The following RGL2 variants were observed in gnomAD, a reference collection of about 807,000 sequenced individuals.
RGL2 encodes ral guanine nucleotide dissociation stimulator-like 2.
In RGL2, 40 loss-of-function variants were observed where a neutral mutation model predicts 84.6. The ratio of observed to expected loss-of-function variants is 0.47; its 90% CI spans 0.37 to 0.62. RGL2 has a LOEUF of 0.62. RGL2 is among the 20% of genes least tolerant of loss of function. The pLI is 0.00. For synonymous variants in RGL2, 369 were observed against 417.3 expected (o/e 0.88, Z 1.41); for missense variants, 865 against 1,019.7 (o/e 0.85, Z 2.07).
Position 33,295,486 on chromosome 6 carries a change from G to A in RGL2, c.1020+22C>T, listed in dbSNP as rs754178370. The stretch of plus-strand genomic sequence containing the variant: ...CCTCTCCATTCCATGGCCACAAACC[G>A]TAGGGCAATCTTCTCTCTCACCTCT... On this transcript the variant is annotated intron_variant, in intron 7 of 17. Transcript: ENST00000497454. The surrounding 1 kb of genome is among the most constrained non-coding windows in gnomAD (Gnocchi z 7.2). The A allele has an allele frequency of 3.3e-5, 54 of 1,613,268 alleles. 1 individual carries two copies. The South Asian group carries it at 4.3e-4, about 13-fold the overall frequency.
chr6:33,291,832 A>G lies in RGL2; in HGVS notation c.*270T>C. 1 of 584,634 alleles carries G rather than the reference A, an allele frequency of 1.7e-6. No individual in the cohort carries two copies. Among genetic ancestry groups the G allele is most frequent in the African/African-American group, 1.9e-5 (1 of 53,574 alleles). 36.2% of individuals were successfully genotyped at this position (584,634 alleles called of 1,614,324 possible). A position where few individuals can be genotyped will look rare whatever the true frequency, so the allele number is the denominator to read the frequency against. On this transcript the variant is annotated 3_prime_UTR_variant, in exon 18 of 18. Transcript: ENST00000497454. ...ATGTTAGGATATGGCCAAGAATCAG[A>G]AACTGATGCGTTTTTCCAGCACTAC...
chr6:33,291,898 G>A lies in RGL2; in HGVS notation c.*204C>T. 1 of 617,126 alleles carries A rather than the reference G, an allele frequency of 1.6e-6. No individual in the cohort carries two copies. The allele number at this position is 617,126 out of a possible 1,614,324, so 38.2% of individuals were successfully genotyped here. ...ATGGAAGGTGGGAAGCTATACACAG[G>A]TATCCAACTTGGTTATAAGACACCA... On this transcript the variant is annotated 3_prime_UTR_variant, in exon 18 of 18. Transcript: ENST00000497454.
chr6:33,291,829 C>A lies in RGL2; in HGVS notation c.*273G>T. On this transcript the variant is annotated 3_prime_UTR_variant, in exon 18 of 18. Coordinates refer to ENST00000497454, the MANE Select transcript of RGL2 (RefSeq NM_004761.5). Reference sequence around the variant, plus strand: ...TGCATGTTAGGATATGGCCAAGAATCAGAAACTGATGCGTTTTTCCAGCAC... The same window carrying A: ...TGCATGTTAGGATATGGCCAAGAATAAGAAACTGATGCGTTTTTCCAGCAC... 1.7e-6 allele frequency: 1 copy of A among 583,294 alleles called. No homozygotes were observed. The allele number at this position is 583,294 out of a possible 1,614,324, so 36.1% of individuals were successfully genotyped here.
At position 33,293,694 on chromosome 6, in the gene RGL2, C is replaced by T. The variant is rs769473006; in HGVS notation, c.1514G>A (p.Arg505His). 1.3e-5 allele frequency: 21 copies of T among 1,613,884 alleles called. No homozygotes were observed. Among genetic ancestry groups the T allele is most frequent in the Admixed American group, 1.7e-5 (1 of 59,992 alleles). Residue 505 changes from arginine to histidine, a missense_variant, in exon 14 of 18, where the codon CGT becomes CAT. Transcript: ENST00000497454. This position sits in a 1 kb window ranked among gnomAD's most constrained non-coding sequence, Gnocchi z 7.0. ...LRPLTEAQSH[R>H]VSCEVEPPGS... is the part of the protein sequence containing the mutation. ...AGGTGGCTCCACCTCACAGGATACA[C>T]GATGGCTGGGTTAGGGGGGCAATAG...
At position 33,295,485 on chromosome 6, in the gene RGL2, C is replaced by G. The variant is rs1466157626; in HGVS notation, c.1020+23G>C. On this transcript the variant is annotated intron_variant, in intron 7 of 17. Coordinates refer to ENST00000497454, the MANE Select transcript of RGL2 (RefSeq NM_004761.5). The surrounding 1 kb of genome is among the most constrained non-coding windows in gnomAD (Gnocchi z 7.2). ...GCCTCTCCATTCCATGGCCACAAACCGTAGGGCAATCTTCTCTCTCACCTC... is the reference window on the plus strand; with the variant it reads ...GCCTCTCCATTCCATGGCCACAAACGGTAGGGCAATCTTCTCTCTCACCTC... 1.9e-6 allele frequency: 3 copies of G among 1,613,270 alleles called. No homozygotes were observed. The highest frequency in any genetic ancestry group is 2.5e-6 in the Non-Finnish European group (3 of 1,179,562).
chr6:33,298,632 G>A lies in RGL2; in HGVS notation c.-22C>T. 6.9e-7 allele frequency: 1 copy of A among 1,439,856 alleles called. No homozygotes were observed. The highest frequency in any genetic ancestry group is 9.1e-7 in the Non-Finnish European group (1 of 1,096,560). The allele number at this position is 1,439,856 out of a possible 1,614,324, so 89.2% of individuals were successfully genotyped here. A position where few individuals can be genotyped will look rare whatever the true frequency, so the allele number is the denominator to read the frequency against. On this transcript the variant is annotated 5_prime_UTR_variant, in exon 2 of 18. Transcript: ENST00000497454. This position sits in a 1 kb window ranked among gnomAD's most constrained non-coding sequence, Gnocchi z 4.8. ...GCATGGCCGAGTGAAGGAATCAGCG[G>A]GGTCGGGCCATGGGGGCGCCTGGGG...
chr6:33,291,664 G>A lies in RGL2; in HGVS notation c.*438C>T, dbSNP rs1562650333. 2 of 263,674 alleles carry A rather than the reference G, an allele frequency of 7.6e-6. No individual in the cohort carries two copies. The highest frequency in any genetic ancestry group is 7.3e-6 in the Non-Finnish European group (1 of 136,328). 16.3% of individuals were successfully genotyped at this position (263,674 alleles called of 1,614,324 possible). A position where few individuals can be genotyped will look rare whatever the true frequency, so the allele number is the denominator to read the frequency against. ...GCAAGGACAGGGGAGTAGAATTCAGGTAGTGTTTTGGTTTATTATCTTAGT... is the reference window on the plus strand; with the variant it reads ...GCAAGGACAGGGGAGTAGAATTCAGATAGTGTTTTGGTTTATTATCTTAGT... On this transcript the variant is annotated 3_prime_UTR_variant, in exon 18 of 18. Transcript: ENST00000497454.
rs907081022 is a variant in RGL2, at chr6:33,297,268, T to C, written c.157-153A>G. ...TGCGAGGAAGGGTTGGGGGAGCTGG[T>C]GACCCCAGGTCTCCCCCACTGGGGC... On this transcript the variant is annotated intron_variant, in intron 2 of 17. Transcript: ENST00000497454. This position sits in a 1 kb window ranked among gnomAD's most constrained non-coding sequence, Gnocchi z 4.0. 8.4e-6 allele frequency: 5 copies of C among 597,672 alleles called. No individual in the cohort carries two copies. The highest frequency in any genetic ancestry group is 1.4e-5 in the Non-Finnish European group (5 of 354,794). The allele number at this position is 597,672 out of a possible 1,614,324, so 37.0% of individuals were successfully genotyped here.
rs1339001215 is a variant in RGL2, at chr6:33,293,508, C to A, written c.1621G>T (p.Gly541Trp). ...CAGGACACAAGCGGGGTAGGGACCC[C>A]AACAGAGCCCAAAACCCTGCAGTGG... ...SQWTEVLGSV[G>W]VPTPLVSCDR... Residue 541 changes from glycine to tryptophan, a missense_variant, in exon 15 of 18, where the codon GGG (glycine) becomes TGG (tryptophan). Gly to Trp is a radical substitution (Grantham distance 184, BLOSUM62 -2). Around this residue, in one of 5 missense-constraint regions of RGL2, gnomAD observed 302 missense variants for 327.9 expected, o/e 0.92. Transcript: ENST00000497454. The surrounding 1 kb of genome is among the most constrained non-coding windows in gnomAD (Gnocchi z 7.0). 6.2e-7 allele frequency: 1 copy of A among 1,613,832 alleles called. No homozygotes were observed. Among genetic ancestry groups the A allele is most frequent in the South Asian group, 1.1e-5 (1 of 91,052 alleles).
Position 33,292,052 on chromosome 6 carries a change from C to G in RGL2, c.*50G>C. On this transcript the variant is annotated 3_prime_UTR_variant, in exon 18 of 18. Transcript: ENST00000497454. ...ATTGCCACCATTCAGGATGGCTACC[C>G]ACATCTGGTATGAACACCATGACTT... 8.8e-6 allele frequency: 14 copies of G among 1,592,448 alleles called. No individual in the cohort carries two copies. Among genetic ancestry groups the G allele is most frequent in the Non-Finnish European group, 1.2e-5 (14 of 1,160,666 alleles).
rs1303034949 is a variant in RGL2, at chr6:33,296,602, C to T, written c.415G>A (p.Asp139Asn). The change falls in exon 4 of 18, where the codon GAC becomes AAC. Residue 139 changes from aspartate to asparagine, a missense_variant. Around this residue, in one of 5 missense-constraint regions of RGL2, gnomAD observed 455 missense variants for 507.8 expected, o/e 0.90. Transcript: ENST00000497454. The surrounding 1 kb of genome is among the most constrained non-coding windows in gnomAD (Gnocchi z 5.0). ...STPALLGLMA[D>N]RLEALESHPT... ...TGCGTCCCTTATGACTCTGACCTGT[C>T]AGCCATAAGCCCTAGCAAGGCAGGC... 2 of 1,612,454 alleles carry T rather than the reference C, an allele frequency of 1.2e-6. No homozygotes were observed. The highest frequency in any genetic ancestry group is 2.7e-5 in the African/African-American group (2 of 74,888).
At position 33,296,282 on chromosome 6, in the gene RGL2, C is replaced by T; in HGVS notation, c.514G>A (p.Glu172Lys). 1 of 1,613,712 alleles carries T rather than the reference C, an allele frequency of 6.2e-7. No homozygotes were observed. The highest frequency in any genetic ancestry group is 1.1e-5 in the South Asian group (1 of 91,042). The change falls in exon 6 of 18, where the codon GAG becomes AAG. Residue 172 changes from glutamate to lysine, a missense_variant. Glu to Lys is a moderately conservative substitution (Grantham distance 56). Transcript: ENST00000497454. This position sits in a 1 kb window ranked among gnomAD's most constrained non-coding sequence, Gnocchi z 5.0. ...CCCTTGGCCTCAGAGCCAAAATCCT[C>T]AGGGTGAGAGGCCAGCCAGGTTGAC... Reference protein sequence around the residue: ...VLSTWLASHPEDFGSEAKGQL... With the variant: ...VLSTWLASHPKDFGSEAKGQL...
rs1181661796 is a variant in RGL2, at chr6:33,294,847, A to G, written c.1279-85T>C. 2 of 1,517,638 alleles carry G rather than the reference A, an allele frequency of 1.3e-6. No homozygotes were observed. Among genetic ancestry groups the G allele is most frequent in the African/African-American group, 1.4e-5 (1 of 72,964 alleles). The allele number at this position is 1,517,638 out of a possible 1,614,324, so 94.0% of individuals were successfully genotyped here. A position where few individuals can be genotyped will look rare whatever the true frequency, so the allele number is the denominator to read the frequency against. ...CCGCACTTGCCCTCCTCATTGCCTC[A>G]GAGAACAGATTTCATTCTCCTCACC... On this transcript the variant is annotated intron_variant, in intron 10 of 17. Coordinates refer to ENST00000497454, the MANE Select transcript of RGL2 (RefSeq NM_004761.5). This position sits in a 1 kb window ranked among gnomAD's most constrained non-coding sequence, Gnocchi z 5.0.
In RGL2 at chr6:33,295,224, G is replaced by C; in HGVS notation, c.1125-13C>G. On this transcript the variant is annotated splice_polypyrimidine_tract_variant and intron_variant, in intron 8 of 17. Transcript: ENST00000497454. The surrounding 1 kb of genome is among the most constrained non-coding windows in gnomAD (Gnocchi z 7.2). ...TCTGAGGCTGTCCCTGGGGAAGGGA[G>C]AAAAGTGGCCCTGAGGACAGGCCTG... is the stretch of plus-strand genomic sequence containing the variant. 1 of 1,593,974 alleles carries C rather than the reference G, an allele frequency of 6.3e-7. No homozygotes were observed. The highest frequency in any genetic ancestry group is 1.1e-5 in the South Asian group (1 of 88,254).
chr6:33,295,333 C>G lies in RGL2; in HGVS notation c.1110G>C (p.Trp370Cys). The G allele has an allele frequency of 3.2e-6, 5 of 1,582,108 alleles. No individual in the cohort carries two copies. Among genetic ancestry groups the G allele is most frequent in the Non-Finnish European group, 4.3e-6 (5 of 1,164,438 alleles). ...AGCCTCCGCACCTGGTTGCTTCCCC[C>G]CAGGCTGCCCGAAGCCTGTGGATGG... is the stretch of plus-strand genomic sequence containing the variant. ...SSPIHRLRAA[W>C]GEATRDSLRV... The change falls in exon 8 of 18, where the codon TGG (tryptophan) becomes TGC (cysteine). Residue 370 changes from tryptophan to cysteine, a missense_variant. Around this residue, in one of 5 missense-constraint regions of RGL2, gnomAD observed 455 missense variants for 507.8 expected, o/e 0.90. Coordinates refer to ENST00000497454, the MANE Select transcript of RGL2 (RefSeq NM_004761.5). The surrounding 1 kb of genome is among the most constrained non-coding windows in gnomAD (Gnocchi z 7.2).
Position 33,296,243 on chromosome 6 carries a change from G to C in RGL2, c.553C>G (p.Leu185Val). 1.2e-6 allele frequency: 2 copies of C among 1,614,030 alleles called. No homozygotes were observed. The highest frequency in any genetic ancestry group is 1.7e-6 in the Non-Finnish European group (2 of 1,179,898). ...GSEAKGQLDR[L>V]ESFLLQTGYA... The stretch of plus-strand genomic sequence containing the variant: ...CCTGTCTGAAGTAAGAAGCTCTCAA[G>C]CCGGTCAAGCTGACCCTTGGCCTCA... The change falls in exon 6 of 18, where the codon CTT (leucine) becomes GTT (valine). Residue 185 changes from leucine to valine, a missense_variant. Physicochemically the swap from Leu to Val is conservative, Grantham distance 32 (BLOSUM62 1). This residue lies in a region of RGL2 where 455 missense variants were observed against 507.8 expected (regional missense o/e 0.90). Coordinates refer to ENST00000497454, the MANE Select transcript of RGL2 (RefSeq NM_004761.5). This position sits in a 1 kb window ranked among gnomAD's most constrained non-coding sequence, Gnocchi z 5.0.
In RGL2 at chr6:33,298,711, A is replaced by G; in HGVS notation, c.-41-60T>C. ...TCAGGCAGGCGCGGGGGAACCGGGCAGGGAAGGGACGTGGGTGGGTGTCAA... is the reference window on the plus strand; with the variant it reads ...TCAGGCAGGCGCGGGGGAACCGGGCGGGGAAGGGACGTGGGTGGGTGTCAA... On this transcript the variant is annotated intron_variant, in intron 1 of 17. Transcript: ENST00000497454. This position sits in a 1 kb window ranked among gnomAD's most constrained non-coding sequence, Gnocchi z 4.8. 1 of 729,390 alleles carries G rather than the reference A, an allele frequency of 1.4e-6. No individual in the cohort carries two copies. The highest frequency in any genetic ancestry group is 2.1e-5 in the South Asian group (1 of 47,416). 45.2% of individuals were successfully genotyped at this position (729,390 alleles called of 1,614,324 possible).
chr6:33,298,371 G>A lies in RGL2; in HGVS notation c.156+84C>T. 1.4e-6 allele frequency: 1 copy of A among 717,498 alleles called. No homozygotes were observed. The highest frequency in any genetic ancestry group is 1.9e-5 in the African/African-American group (1 of 53,034). The allele number at this position is 717,498 out of a possible 1,614,324, so 44.4% of individuals were successfully genotyped here. ...GCGAGAATAACTGAGGCAAGGAGGA[G>A]GAGATGTAGGGACCCAGAGACAAGA... On this transcript the variant is annotated intron_variant, in intron 2 of 17. Coordinates refer to ENST00000497454, the MANE Select transcript of RGL2 (RefSeq NM_004761.5). This position sits in a 1 kb window ranked among gnomAD's most constrained non-coding sequence, Gnocchi z 4.8.
chr6:33,294,693 A>G lies in RGL2; in HGVS notation c.1348T>C (p.Leu450=), dbSNP rs139531246. 16 of 1,613,662 alleles carry G rather than the reference A, an allele frequency of 9.9e-6. No homozygotes were observed. The highest frequency in any genetic ancestry group is 4.0e-5 in the African/African-American group (3 of 74,814). ...VMLDAASKDE[L]ENGYINFDKR... Reference sequence around the variant, plus strand: ...CACACACACACACCACTGACCTCCAACTCATCCTTGGAGGCTGCATCCAGC... The same window carrying G: ...CACACACACACACCACTGACCTCCAGCTCATCCTTGGAGGCTGCATCCAGC... The change falls in exon 11 of 18, where the codon TTG becomes CTG. Residue 450 remains leucine, a synonymous_variant. Coordinates refer to ENST00000497454, the MANE Select transcript of RGL2 (RefSeq NM_004761.5). The surrounding 1 kb of genome is among the most constrained non-coding windows in gnomAD (Gnocchi z 5.0).
Sources: allele counts gnomAD v4.1 joint callset, GRCh38; gene constraint gnomAD v4.1.1; regional missense constraint gnomAD v4.1.1; non-coding constraint Gnocchi (gnomAD v3.1); transcripts MANE v1.5; gene names NCBI Gene and HGNC (gene_info 2026-07-23, HGNC 2026-07-21).